The following LRRC37A2 variants were observed in gnomAD, a reference collection of about 807,000 sequenced individuals.
The protein encoded by LRRC37A2 is leucine-rich repeat-containing protein 37A2.
LRRC37A2 carries 9 observed loss-of-function variants against 68.8 expected under a neutral mutation model. The ratio of observed to expected loss-of-function variants is 0.13; its 90% CI spans 0.08 to 0.23. The LOEUF (loss-of-function observed/expected upper bound fraction) is 0.23. Ranked by LOEUF, LRRC37A2 falls within the 10% of genes least tolerant of loss-of-function variation. LRRC37A2 has a pLI of 1.00. For synonymous variants in LRRC37A2, 63 were observed against 367.6 expected (o/e 0.17, Z 9.48); for missense variants, 168 against 950.4 (o/e 0.18, Z 10.82).
At chr17:46,813,721 C>T in the LRRC37A2 span, among the ~76,000 whole-genome samples, 1 of 152,150 alleles carries the variant, frequency 6.6e-6, no homozygotes, top group Non-Finnish European at 1.5e-5. Flanking sequence ...CCTGTGCCAT[C>T]CCCTGGCTCC....
At chr17:46,943,347 C>CA in the LRRC37A2 span, among the ~76,000 whole-genome samples, 1 of 152,204 alleles carries the variant, frequency 6.6e-6, no homozygotes, top group Admixed American at 6.5e-5. Context: ...GCTGCCCCTG[C>CA]AGTGCAGCCC....
At chr17:46,789,776 G>GCCTGGC in the LRRC37A2 span, among the ~76,000 whole-genome samples, 2 of 152,226 alleles carry the variant, frequency 1.3e-5, no homozygotes, top group Non-Finnish European at 1.5e-5. Flanking sequence ...CTCCAGCTGG[G>GCCTGGC]CCTGGCCCTG....
the LRRC37A2 span, among the ~76,000 whole-genome samples, chr17:47,005,159 TTA>T: frequency 1.3e-5 from 2 of 152,260 alleles, no homozygotes; most frequent in Admixed American, 1.3e-4. Flanking sequence ...GCTTTTATTC[TTA>T]AGCTTTGCTT....
chr17:46,865,315 G>A, the LRRC37A2 span, among the ~76,000 whole-genome samples: 1 of 152,232 alleles, frequency 6.6e-6, no homozygotes, highest in East Asian at 1.9e-4. Flanking sequence ...ATCCCCTGCA[G>A]GCAGCCTGGT....
the LRRC37A2 span, among the ~76,000 whole-genome samples, chr17:47,032,416 G>A: frequency 2.6e-5 from 4 of 151,994 alleles, no homozygotes; most frequent in Non-Finnish European, 5.9e-5. Context: ...AGGTTCACAC[G>A]GCTAATAAGT....
chr17:46,913,026 C>T, the LRRC37A2 span, among the ~76,000 whole-genome samples: 1 of 152,228 alleles, frequency 6.6e-6, no homozygotes, highest in Non-Finnish European at 1.5e-5. Flanking sequence ...TCCTGCCTCC[C>T]ATGAGGCGGA....
At chr17:46,876,747 C>T in the LRRC37A2 span, 20 of 1,511,912 alleles carry the variant, frequency 1.3e-5, no homozygotes, top group African/African-American at 2.8e-4. Flanking sequence ...CAGTCTGGCA[C>T]TGCCAGGACC....
At chr17:46,816,570 A>G in the LRRC37A2 span, among the ~76,000 whole-genome samples, 1 of 151,914 alleles carries the variant, frequency 6.6e-6, no homozygotes, top group Non-Finnish European at 1.5e-5. Context: ...AAATTCCCAA[A>G]CAAGCCATGT....
the LRRC37A2 span, among the ~76,000 whole-genome samples, chr17:46,734,506 A>G: frequency 6.6e-6 from 1 of 152,138 alleles, no homozygotes; most frequent in Non-Finnish European, 1.5e-5. Flanking sequence ...TTAGTATAGT[A>G]GATTTTCTTG....
chr17:46,874,996 C>T, the LRRC37A2 span: 891 of 1,571,816 alleles, frequency 5.7e-4, 16 homozygotes, highest in South Asian at 9.2e-3. Context: ...ACAGCGCTGC[C>T]ACCACCGCCT....
chr17:46,787,770 A>G, the LRRC37A2 span, among the ~76,000 whole-genome samples: 3 of 152,212 alleles, frequency 2.0e-5, no homozygotes, highest in African/African-American at 7.2e-5. Flanking sequence ...CCTGGCCAAC[A>G]TGGCGAAACG....
At chr17:46,786,862 G>A in the LRRC37A2 span, among the ~76,000 whole-genome samples, 1 of 152,060 alleles carries the variant, frequency 6.6e-6, no homozygotes, top group Non-Finnish European at 1.5e-5. Context: ...TAGAAACCCT[G>A]GTGGGCCCAG....
the LRRC37A2 span, among the ~76,000 whole-genome samples, chr17:46,695,237 T>C: frequency 6.9e-6 from 1 of 143,984 alleles, no homozygotes; most frequent in Non-Finnish European, 1.5e-5. Context: ...CAGAGCGAGA[T>C]TCCGTCTCCA....
the LRRC37A2 span, chr17:46,921,177 G>A: frequency 6.6e-6 from 1 of 152,224 alleles, no homozygotes; most frequent in Non-Finnish European, 1.5e-5. Context: ...GATGGAAGAG[G>A]CCCTTGGGCC....
the LRRC37A2 span, among the ~76,000 whole-genome samples, chr17:46,813,401 T>C: frequency 7.0e-6 from 1 of 143,766 alleles, no homozygotes; most frequent in Non-Finnish European, 1.5e-5. Flanking sequence ...CTCCCCACTC[T>C]CACCATTTTC....
At chr17:46,988,648 TG>T in the LRRC37A2 span, among the ~76,000 whole-genome samples, 2 of 151,960 alleles carry the variant, frequency 1.3e-5, no homozygotes, top group African/African-American at 4.8e-5. Context: ...CAGGCCAAGG[TG>T]GAGTTGAGGG....
chr17:46,985,857 GTCT>G, the LRRC37A2 span, among the ~76,000 whole-genome samples: 2 of 152,188 alleles, frequency 1.3e-5, no homozygotes, highest in African/African-American at 2.4e-5. Flanking sequence ...GCCCTCCTCT[GTCT>G]TCTTCTGCTC....
chr17:46,588,858 C>T, the LRRC37A2 span, among the ~76,000 whole-genome samples: 1 of 127,722 alleles, frequency 7.8e-6, no homozygotes, highest in Non-Finnish European at 1.5e-5. Flanking sequence ...CCAGCCTGGA[C>T]AACATGGCAA....
chr17:46,812,721 G>A, the LRRC37A2 span, among the ~76,000 whole-genome samples: 1 of 152,156 alleles, frequency 6.6e-6, no homozygotes, highest in Non-Finnish European at 1.5e-5. Context: ...GCAAAAAGAA[G>A]AAAAGGGGAA....
Sources: allele counts gnomAD v4.1 joint callset (sites outside exome capture counted in the v4.1 genomes callset), GRCh38; gene constraint gnomAD v4.1.1; transcripts MANE v1.5; gene names NCBI Gene and HGNC (gene_info 2026-07-23, HGNC 2026-07-21).